ABR: variants seen among roughly 807,000 people sequenced by gnomAD.
ABR encodes ABR activator of RhoGEF and GTPase.
A neutral mutation model predicts 107.2 loss-of-function variants in ABR; 35 were observed. The observed-to-expected ratio is 0.33, with a 90% CI of 0.25 to 0.43. The LOEUF is 0.43. ABR is among the 20% of genes least tolerant of loss of function. The pLI, the probability that ABR is intolerant of heterozygous loss-of-function variation, is 1.00. For synonymous variants in ABR, 498 were observed against 462.0 expected, an observed-to-expected ratio of 1.08 and a Z score of -1.00; for missense variants, 815 against 1,115.2, an observed-to-expected ratio of 0.73 and a Z score of 3.83.
intron 1 of ABR, among the ~76,000 whole-genome samples, chr17:1,165,215 G>A (rs764482126): frequency 9.2e-5 from 14 of 152,248 alleles, no homozygotes; most frequent in Non-Finnish European, 1.6e-4. Flanking sequence ...ACCGGGCCCT[G>A]GAGCGCCTTC....
intron 1 of ABR, among the ~76,000 whole-genome samples, chr17:1,209,992 T>C (rs1402118926): frequency 6.6e-6 from 1 of 152,130 alleles, no homozygotes; most frequent in Non-Finnish European, 1.5e-5. Flanking sequence ...AGAAAACAGA[T>C]ACATATGCCA....
chr17:1,188,417 G>A (rs2042360452), upstream of ABR, among the ~76,000 whole-genome samples: 1 of 152,082 alleles, frequency 6.6e-6, no homozygotes, highest in Admixed American at 6.6e-5. Context: ...GGGCATGGTG[G>A]CGGGCGCCTG....
intron 1 of ABR, among the ~76,000 whole-genome samples, chr17:1,153,247 GC>G (rs996959663): frequency 1.1e-4 from 17 of 152,108 alleles, no homozygotes; most frequent in African/African-American, 4.1e-4. Flanking sequence ...ACCAAGGAAG[GC>G]CCCCTGACAC....
At chr17:1,225,165 A>G (rs1259016796) in intron 1 of ABR, among the ~76,000 whole-genome samples, 1 of 141,300 alleles carries the variant, frequency 7.1e-6, no homozygotes, top group South Asian at 2.2e-4. Flanking sequence ...AAAAAAAAAG[A>G]AAAGAAAAGA....
intron 4 of ABR, chr17:1,083,858 T>C (rs2036424264): frequency 2.0e-6 from 1 of 508,154 alleles, no homozygotes; most frequent in Non-Finnish European, 3.6e-6. Context: ...GGGTCTGGGG[T>C]TGGGGAGACC....
intron 1 of ABR, among the ~76,000 whole-genome samples, chr17:1,211,076 G>A (rs1269466462): frequency 1.3e-5 from 2 of 152,076 alleles, no homozygotes; most frequent in African/African-American, 4.8e-5. Context: ...TCAGGAGTTT[G>A]AGACCAGCCT....
At chr17:1,151,989 C>G (rs1263259529) in intron 1 of ABR, among the ~76,000 whole-genome samples, 2 of 149,674 alleles carry the variant, frequency 1.3e-5, no homozygotes, top group Non-Finnish European at 2.9e-5. Context: ...CCCGCCTCTA[C>G]TAAAAATACA....
Position 1,225,034 on chromosome 17 carries a change from A to G in ABR, c.838+3759T>C, listed in dbSNP as rs566790701. On this transcript the variant is annotated intron_variant, in intron 1 of 22. Coordinates refer to the ABR transcript ENST00000574139. ...CGTGGTGGCGGGCACCTGTAGTCCC[A>G]GCTACTCAGGAGGCTGAGGCAGGAG... 2.9e-3 allele frequency among the ~76,000 whole-genome samples: 448 copies of G among 151,906 alleles called. 4 individuals are homozygous for G. Among genetic ancestry groups the G allele is most frequent in the African/African-American group, 9.8e-3 (406 of 41,472 alleles).
intron 1 of ABR, among the ~76,000 whole-genome samples, chr17:1,221,446 C>A (rs1225286956): frequency 5.9e-5 from 9 of 152,344 alleles, no homozygotes; most frequent in African/African-American, 1.4e-4. Flanking sequence ...AGCAGAAAGA[C>A]TGAAAAGCCT....
In ABR at chr17:1,004,685, G is replaced by A. The variant is rs997827157; in HGVS notation, c.*1395C>T. On this transcript the variant is annotated 3_prime_UTR_variant, in exon 23 of 23. Coordinates refer to ENST00000302538, the MANE Select transcript of ABR (RefSeq NM_021962.5). ...GCAAGTCGGGTCCCTGCTCCCTGGC[G>A]GGTGCCTACAGCACCAACAAGGAGG... 5.6e-5 allele frequency: 12 copies of A among 215,590 alleles called. No homozygotes were observed. Among genetic ancestry groups the A allele is most frequent in the African/African-American group, 2.3e-4 (10 of 44,190 alleles). 13.4% of individuals were successfully genotyped at this position (215,590 alleles called of 1,614,324 possible). A position where few individuals can be genotyped will look rare whatever the true frequency, so the allele number is the denominator to read the frequency against.
intron 2 of ABR, among the ~76,000 whole-genome samples, chr17:1,105,003 C>CTTTT (rs748696872): frequency 1.4e-4 from 18 of 125,762 alleles, no homozygotes; most frequent in Non-Finnish European, 2.1e-4. Flanking sequence ...TTTACAGTAA[C>CTTTT]TTTTTTTTTT....
intron 1 of ABR, among the ~76,000 whole-genome samples, chr17:1,144,097 A>C (rs1399247047): frequency 3.3e-5 from 5 of 152,114 alleles, no homozygotes; most frequent in Non-Finnish European, 5.9e-5. Context: ...CTTTGCACCA[A>C]GGCCATTGTT....
At chr17:1,135,106 G>A (rs1189250601) in intron 1 of ABR, among the ~76,000 whole-genome samples, 2 of 152,192 alleles carry the variant, frequency 1.3e-5, no homozygotes, top group African/African-American at 4.8e-5. Context: ...GGTGAGAGGA[G>A]GCTTGGCAGT....
intron 1 of ABR, among the ~76,000 whole-genome samples, chr17:1,136,632 C>CT (rs1225882772): frequency 2.0e-5 from 3 of 152,192 alleles, no homozygotes; most frequent in Admixed American, 2.0e-4. Flanking sequence ...TTCACTTTGC[C>CT]TTTTTCTGTT....
chr17:1,124,052 G>T (rs1228215607), intron 2 of ABR, among the ~76,000 whole-genome samples: 3 of 152,174 alleles, frequency 2.0e-5, no homozygotes, highest in Non-Finnish European at 4.4e-5. Flanking sequence ...CTGTTGCCAT[G>T]GCAGCAATGT....
intron 1 of ABR, among the ~76,000 whole-genome samples, chr17:1,137,849 C>A (rs997389940): frequency 2.0e-5 from 3 of 151,968 alleles, no homozygotes; most frequent in Admixed American, 6.6e-5. Flanking sequence ...CCGCAGGAGG[C>A]TATTTACTTT....
intron 2 of ABR, 119 bp from the exon 3 acceptor site, chr17:1,100,854 C>T (rs1439218752): frequency 2.8e-5 from 27 of 956,004 alleles, no homozygotes; most frequent in Non-Finnish European, 3.9e-5. Flanking sequence ...GACGAAGTCT[C>T]GCTCTGTCAC....
At chr17:1,022,307 G>A (rs960051839) in intron 16 of ABR, among the ~76,000 whole-genome samples, 12 of 152,146 alleles carry the variant, frequency 7.9e-5, no homozygotes, top group South Asian at 4.1e-4. Context: ...CAGCGGCCAC[G>A]GTGGCAGCCC....
At chr17:1,056,945 C>T (rs758696491) in intron 13 of ABR, 53 bp downstream of exon 13, 48 of 1,314,042 alleles carry the variant, frequency 3.7e-5, no homozygotes, top group South Asian at 2.0e-4. Context: ...AAGCCGGCCA[C>T]GCTCTGAGGG....
Sources: gnomAD v4.1 joint callset for allele counts (sites outside exome capture counted in the v4.1 genomes callset) on GRCh38, gnomAD v4.1.1 for gene constraint, MANE v1.5 for transcripts, NCBI Gene and HGNC (gene_info 2026-07-23, HGNC 2026-07-21) for gene names.